The following KIRREL1 variants were observed in gnomAD, a reference collection of about 807,000 sequenced individuals.
The protein encoded by KIRREL1 is kirre like nephrin family adhesion molecule 1.
A neutral mutation model predicts 83.3 loss-of-function variants in KIRREL1; 25 were observed. The ratio of observed to expected loss-of-function variants is 0.30; its 90% CI spans 0.22 to 0.42. The LOEUF (loss-of-function observed/expected upper bound fraction) is 0.42. Ranked by LOEUF, KIRREL1 falls within the 10% of genes least tolerant of loss-of-function variation. KIRREL1 has a pLI of 1.00. For missense variants in KIRREL1, 812 were observed against 1,032.3 expected (o/e 0.79, Z 2.92); for synonymous variants, 388 against 410.4 (o/e 0.95, Z 0.66).
chr1:158,079,225 G>A (rs747368738), intron 3 of KIRREL1, among the ~76,000 whole-genome samples: 7 of 152,096 alleles, frequency 4.6e-5, no homozygotes, highest in Non-Finnish European at 1.0e-4. Context: ...CTGAATTTGC[G>A]GGGAGCCCCC....
chr1:158,089,213 G>C (rs1662115408), intron 8 of KIRREL1, among the ~76,000 whole-genome samples: 1 of 152,152 alleles, frequency 6.6e-6, no homozygotes, highest in African/African-American at 2.4e-5. Context: ...GAAAACACTA[G>C]AACAGATCAT....
intron 1 of KIRREL1, among the ~76,000 whole-genome samples, chr1:158,002,281 C>T (rs2763847): frequency 2.0e-5 from 3 of 152,228 alleles, no homozygotes; most frequent in African/African-American, 7.2e-5. Context: ...ACCTGTCCCC[C>T]CCAAGCTTGG....
intron 1 of KIRREL1, among the ~76,000 whole-genome samples, chr1:158,048,970 CA>C (rs1294820890): frequency 1.3e-5 from 2 of 152,088 alleles, no homozygotes; most frequent in Non-Finnish European, 2.9e-5. Flanking sequence ...AAACTGAGCT[CA>C]GAGAGTCCAG....
chr1:158,039,174 A>G (rs1474009308), intron 1 of KIRREL1, among the ~76,000 whole-genome samples: 2 of 152,148 alleles, frequency 1.3e-5, no homozygotes, highest in Non-Finnish European at 1.5e-5. Context: ...CAGCCTGCCT[A>G]TGATTTTGCA....
At chr1:158,004,285 T>A (rs895913625) in intron 1 of KIRREL1, among the ~76,000 whole-genome samples, 1 of 152,194 alleles carries the variant, frequency 6.6e-6, no homozygotes, top group African/African-American at 2.4e-5. Context: ...CTTTTTACAG[T>A]TTAGTCCAAG....
chr1:158,061,667 CAG>C, intron 1 of KIRREL1, among the ~76,000 whole-genome samples: 1 of 152,112 alleles, frequency 6.6e-6, no homozygotes, highest in East Asian at 1.9e-4. Context: ...TGACACAGGA[CAG>C]AGAGACAAGT....
chr1:157,999,201 C>A (rs1659288720), intron 1 of KIRREL1, among the ~76,000 whole-genome samples: 1 of 152,190 alleles, frequency 6.6e-6, no homozygotes, highest in Non-Finnish European at 1.5e-5. Context: ...CCCTGCCTTG[C>A]TTTGATGATC....
At chr1:158,085,594 TATTC>T (rs1405201298) in intron 4 of KIRREL1, among the ~76,000 whole-genome samples, 2 of 152,218 alleles carry the variant, frequency 1.3e-5, no homozygotes, top group Non-Finnish European at 2.9e-5. Context: ...CCATTTTTCA[TATTC>T]ATTAAAGACA....
intron 1 of KIRREL1, among the ~76,000 whole-genome samples, chr1:158,067,021 T>A (rs1170173262): frequency 6.6e-6 from 1 of 152,166 alleles, no homozygotes; most frequent in African/African-American, 2.4e-5. Flanking sequence ...TAAAACATTC[T>A]CAGGAGCCCT....
intron 1 of KIRREL1, among the ~76,000 whole-genome samples, chr1:158,054,135 G>A (rs1478065975): frequency 2.1e-5 from 3 of 145,924 alleles, no homozygotes; most frequent in Non-Finnish European, 3.0e-5. Flanking sequence ...ATTGCTTGAA[G>A]CTGGGAGGCG....
intron 10 of KIRREL1, among the ~76,000 whole-genome samples, chr1:158,090,519 C>A (rs1035285239): frequency 2.0e-5 from 3 of 152,212 alleles, no homozygotes; most frequent in African/African-American, 4.8e-5. Context: ...GGGCAGCAGG[C>A]GGCTGGCCTC....
At chr1:158,029,366 T>TGTGTGTGTGTGTGTGCGCGCGCGC (rs1553238087) in intron 1 of KIRREL1, among the ~76,000 whole-genome samples, 6 of 148,930 alleles carry the variant, frequency 4.0e-5, no homozygotes, top group African/African-American at 1.2e-4. Context: ...TGTGTGTGTG[T>TGTGTGTGTGTGTGTGCGCGCGCGC]GCACGTGCGC....
At chr1:158,049,899 T>C (rs1660868395) in intron 1 of KIRREL1, among the ~76,000 whole-genome samples, 1 of 152,232 alleles carries the variant, frequency 6.6e-6, no homozygotes, top group Non-Finnish European at 1.5e-5. Context: ...AAAAGACCCG[T>C]ATTACAGCAA....
intron 1 of KIRREL1, among the ~76,000 whole-genome samples, chr1:158,069,075 G>A (rs958474028): frequency 6.6e-6 from 1 of 152,130 alleles, no homozygotes; most frequent in Non-Finnish European, 1.5e-5. Flanking sequence ...GGCATCTCAT[G>A]TGCTTGGCCC....
chr1:158,002,739 G>A (rs578244202), intron 1 of KIRREL1, among the ~76,000 whole-genome samples: 14 of 152,180 alleles, frequency 9.2e-5, no homozygotes, highest in African/African-American at 2.9e-4. Context: ...GAGGGGGAGT[G>A]GAGCAGGGAG....
rs539238879 is a variant in KIRREL1 at position 158,061,395 on chromosome 1, A to G, written c.53-14718A>G. On this transcript the variant is annotated intron_variant, in intron 1 of 14. Coordinates refer to ENST00000359209, the MANE Select transcript of KIRREL1 (RefSeq NM_018240.7). ...CGGAGGGATGAGAGATCCCCTCCCT[A>G]TTCCTTGGGGGTGGGCAACACAGGG... Among the ~76,000 whole-genome samples the G allele has an allele frequency of 4.1e-4, 62 of 152,264 alleles. 1 individual carries two copies. The highest frequency in any genetic ancestry group is 1.3e-3 in the African/African-American group (56 of 41,534).
At chr1:158,074,634 A>G (rs982714946) in intron 1 of KIRREL1, among the ~76,000 whole-genome samples, 9 of 152,204 alleles carry the variant, frequency 5.9e-5, no homozygotes, top group Non-Finnish European at 1.3e-4. Flanking sequence ...GCGACCGGTT[A>G]TATTTGCCCA....
intron 1 of KIRREL1, among the ~76,000 whole-genome samples, chr1:158,029,403 A>G (rs892495191): frequency 3.0e-5 from 4 of 132,682 alleles, no homozygotes; most frequent in African/African-American, 1.1e-4. Flanking sequence ...ATGCATGTGC[A>G]TATATGCACG....
At chr1:158,017,109 G>A (rs6670372) in intron 1 of KIRREL1, among the ~76,000 whole-genome samples, 142,974 of 152,208 alleles carry the variant, frequency 0.94, 67,790 homozygotes, top group East Asian at 1. Context: ...AAGTCCCTGC[G>A]AGCTCCCTTT....
Sources: gnomAD v4.1 joint callset for allele counts (sites outside exome capture counted in the v4.1 genomes callset) on GRCh38, gnomAD v4.1.1 for gene constraint, MANE v1.5 for transcripts, NCBI Gene and HGNC (gene_info 2026-07-23, HGNC 2026-07-21) for gene names.